Variants in CNOT4 observed in about 807,000 individuals in gnomAD.
CNOT4 encodes the protein CCR4-NOT transcription complex subunit 4.
CNOT4 carries 8 observed loss-of-function variants against 73.8 expected under a neutral mutation model. The observed-to-expected ratio is 0.11, with a 90% CI of 0.06 to 0.20. CNOT4 has a LOEUF of 0.20. Among genes scored for constraint, CNOT4 ranks in the 10% least tolerant of loss-of-function variants. CNOT4 has a pLI of 1.00. For missense variants in CNOT4, 564 were observed against 883.4 expected, an observed-to-expected ratio of 0.64 and a Z score of 4.58; for synonymous variants, 293 against 321.1, an observed-to-expected ratio of 0.91 and a Z score of 0.94.
At chr7:135,501,467 A>G (rs1803962619) in intron 1 of CNOT4, among the ~76,000 whole-genome samples, 1 of 152,172 alleles carries the variant, frequency 6.6e-6, no homozygotes, top group Admixed American at 6.5e-5. Context: ...AGATGGAATC[A>G]ATTATCTGAC....
intron 2 of CNOT4, among the ~76,000 whole-genome samples, chr7:135,428,498 T>G (rs1475849694): frequency 6.6e-6 from 1 of 152,136 alleles, no homozygotes; most frequent in Non-Finnish European, 1.5e-5. Context: ...TAATAATCTA[T>G]TTTAAAATAA....
chr7:135,372,553 A>AT (rs1563010563), intron 10 of CNOT4, among the ~76,000 whole-genome samples: 9 of 132,766 alleles, frequency 6.8e-5, no homozygotes, highest in Non-Finnish European at 3.2e-5. Flanking sequence ...GTTTGCTACC[A>AT]TGTTTTTTTT....
intron 1 of CNOT4, among the ~76,000 whole-genome samples, chr7:135,446,905 A>ATTACATAAACTACACGAAG (rs1428954462): frequency 6.8e-6 from 1 of 146,020 alleles, no homozygotes; most frequent in African/African-American, 2.4e-5. Context: ...TAAAATTATA[A>ATTACATAAACTACACGAAG]ACTATATATT....
At chr7:135,388,076 C>T in intron 10 of CNOT4, 1 of 985,354 alleles carries the variant, frequency 1.0e-6, no homozygotes, top group Non-Finnish European at 1.2e-6. Context: ...AACTGAAGTT[C>T]TGTTTTTGAG....
intron 1 of CNOT4, among the ~76,000 whole-genome samples, chr7:135,477,554 G>A (rs534118484): frequency 1.3e-5 from 2 of 152,188 alleles, no homozygotes; most frequent in South Asian, 4.2e-4. Context: ...AATTGAAAAG[G>A]AAAAGAATGA....
intron 1 of CNOT4, among the ~76,000 whole-genome samples, chr7:135,445,919 C>G (rs1563055349): frequency 6.6e-6 from 1 of 152,190 alleles, no homozygotes; most frequent in Non-Finnish European, 1.5e-5. Flanking sequence ...CTCACCCAGG[C>G]TACAGTGCAG....
At position 135,444,598 on chromosome 7, in the gene CNOT4, T is replaced by C. The variant is rs562885367; in HGVS notation, c.-92-6175A>G. On this transcript the variant is annotated intron_variant, in intron 1 of 11. Coordinates refer to ENST00000541284, the MANE Select transcript of CNOT4 (RefSeq NM_001190850.2). Reference sequence around the variant, plus strand: ...CCAGAATGATGTGGAGTACAGCACATACACTTGTCACCGAGCCACCATTCT... The same window carrying C: ...CCAGAATGATGTGGAGTACAGCACACACACTTGTCACCGAGCCACCATTCT... 5.9e-5 allele frequency: 79 copies of C among 1,343,090 alleles called. 2 individuals are homozygous for C. In the South Asian group the frequency reaches 8.8e-4, roughly 15 times the overall value. 83.2% of individuals were successfully genotyped at this position (1,343,090 alleles called of 1,614,324 possible).
At chr7:135,447,867 G>A (rs1239937970) in intron 1 of CNOT4, among the ~76,000 whole-genome samples, 1 of 152,182 alleles carries the variant, frequency 6.6e-6, no homozygotes, top group African/African-American at 2.4e-5. Flanking sequence ...GAGTCGTATG[G>A]ATCTGGCTAA....
chr7:135,474,276 ATT>A (rs869203152), intron 1 of CNOT4, among the ~76,000 whole-genome samples: 144 of 87,988 alleles, frequency 1.6e-3, no homozygotes, highest in African/African-American at 3.4e-3. Context: ...CTGTGCCCAA[ATT>A]TTTTTTTTTT....
rs746550347 is a variant in CNOT4, at chr7:135,362,770, A to T, written c.*115T>A. The T allele has an allele frequency of 3.1e-6, 3 of 969,874 alleles. No individual in the cohort carries two copies. In the African/African-American group the frequency reaches 4.8e-5, roughly 15 times the overall value. The allele number at this position is 969,874 out of a possible 1,614,324, so 60.1% of individuals were successfully genotyped here. ...GGGTTAGGGAGAAAAAAAATTGATC[A>T]GGTACTGGATTCTTCAGAACATAAG... On this transcript the variant is annotated 3_prime_UTR_variant, in exon 12 of 12. Coordinates refer to ENST00000541284, the MANE Select transcript of CNOT4 (RefSeq NM_001190850.2).
intron 1 of CNOT4, among the ~76,000 whole-genome samples, chr7:135,489,530 G>A (rs1163345799): frequency 6.6e-6 from 1 of 151,580 alleles, no homozygotes; most frequent in Non-Finnish European, 1.5e-5. Context: ...CGAGTAGCTG[G>A]GACTACAGGC....
chr7:135,442,716 C>T (rs1050810466), intron 1 of CNOT4, among the ~76,000 whole-genome samples: 5 of 151,994 alleles, frequency 3.3e-5, no homozygotes, highest in African/African-American at 1.2e-4. Context: ...CAATGATTTC[C>T]TGAGTGGGGT....
chr7:135,397,230 G>A (rs1467706923), intron 8 of CNOT4, among the ~76,000 whole-genome samples: 1 of 151,976 alleles, frequency 6.6e-6, no homozygotes, highest in Non-Finnish European at 1.5e-5. Flanking sequence ...GATTGTTAAA[G>A]GAGAGCATGT....
At chr7:135,462,633 C>A (rs539085771) in intron 1 of CNOT4, among the ~76,000 whole-genome samples, 1 of 152,242 alleles carries the variant, frequency 6.6e-6, no homozygotes, top group Admixed American at 6.5e-5. Flanking sequence ...TCTTAACATG[C>A]AAATATTAAG....
At chr7:135,469,770 T>C (rs1801457414) in intron 1 of CNOT4, among the ~76,000 whole-genome samples, 1 of 152,128 alleles carries the variant, frequency 6.6e-6, no homozygotes, top group East Asian at 1.9e-4. Context: ...GGCTTATACA[T>C]AAATGTTCAT....
intron 1 of CNOT4, among the ~76,000 whole-genome samples, chr7:135,466,749 T>C (rs894370912): frequency 6.6e-6 from 1 of 152,196 alleles, no homozygotes; most frequent in Admixed American, 6.5e-5. Flanking sequence ...ATATTTTTAC[T>C]ATACCTTTTT....
Position 135,394,018 on chromosome 7 carries a change from CATG to C in CNOT4, c.1524_1526del (p.Ile508del), listed in dbSNP as rs768993320. 3.5e-5 allele frequency: 56 copies of C among 1,614,006 alleles called. No individual in the cohort carries two copies. The highest frequency in any genetic ancestry group is 4.2e-5 in the Non-Finnish European group (49 of 1,180,026). On this transcript the variant is annotated inframe_deletion, in exon 10 of 12. Transcript: ENST00000541284. ...TGGGGTTTGCTGTGTGGTTCAAGTG[CATG>C]ATGCTATTGCGTGGAAAGGCCATCC...
intron 1 of CNOT4, among the ~76,000 whole-genome samples, chr7:135,500,525 A>G (rs899241921): frequency 5.9e-5 from 9 of 152,222 alleles, no homozygotes; most frequent in Non-Finnish European, 1.0e-4. Flanking sequence ...ACCAAAACAT[A>G]TACGGCTGAT....
At chr7:135,424,697 G>C (rs1006177794) in intron 2 of CNOT4, among the ~76,000 whole-genome samples, 5 of 152,124 alleles carry the variant, frequency 3.3e-5, no homozygotes, top group African/African-American at 9.7e-5. Flanking sequence ...GCTGAGGCAG[G>C]AGAACTGCTT....
Sources: allele counts gnomAD v4.1 joint callset (sites outside exome capture counted in the v4.1 genomes callset), GRCh38; gene constraint gnomAD v4.1.1; transcripts MANE v1.5; gene names NCBI Gene and HGNC (gene_info 2026-07-23, HGNC 2026-07-21).